USH2A: variants seen among roughly 807,000 people sequenced by gnomAD.
The protein encoded by USH2A is usherin, also known as Usher syndrome 2A (autosomal recessive, mild).
Under a neutral mutation model 538.9 loss-of-function variants are expected in USH2A, and 443 were observed. That is an observed-to-expected ratio of 0.82 (90% CI 0.76 to 0.89). The LOEUF (loss-of-function observed/expected upper bound fraction) is 0.89. Among genes scored for constraint, USH2A ranks in the 40% least tolerant of loss-of-function variants. The pLI is 0.00. For missense variants in USH2A, 6,633 were observed against 6,324.8 expected, an observed-to-expected ratio of 1.05 and a Z score of -1.65; for synonymous variants, 2,413 against 2,273.5, an observed-to-expected ratio of 1.06 and a Z score of -1.75.
At chr1:216,269,375 C>T (rs2036533833) in intron 11 of USH2A, among the ~76,000 whole-genome samples, 1 of 152,102 alleles carries the variant, frequency 6.6e-6, no homozygotes, top group Admixed American at 6.6e-5. Context: ...TTGCCTTCTG[C>T]CATGATCGTG....
At chr1:215,636,707 A>G (rs1373124634) in intron 69 of USH2A, among the ~76,000 whole-genome samples, 4 of 152,136 alleles carry the variant, frequency 2.6e-5, no homozygotes, top group Non-Finnish European at 5.9e-5. Context: ...GAACAGTCAG[A>G]GGAAAATGAG....
At chr1:216,181,401 G>T (rs1418786122) in intron 20 of USH2A, among the ~76,000 whole-genome samples, 1 of 151,998 alleles carries the variant, frequency 6.6e-6, no homozygotes, top group African/African-American at 2.4e-5. Context: ...GAGCCCCTCT[G>T]GTTTATCCCC....
chr1:216,216,748 G>A (rs1228602384), intron 15 of USH2A, among the ~76,000 whole-genome samples: 2 of 152,036 alleles, frequency 1.3e-5, no homozygotes, highest in African/African-American at 2.4e-5. Context: ...ATGTTGAAAA[G>A]TCAAAAGATA....
At chr1:216,353,246 G>A (rs532048863) in intron 4 of USH2A, among the ~76,000 whole-genome samples, 1 of 152,018 alleles carries the variant, frequency 6.6e-6, no homozygotes, top group Non-Finnish European at 1.5e-5. Context: ...TTGGACTCAG[G>A]GTATAAGGGG....
rs575366648 is a variant in USH2A at position 216,069,980 on chromosome 1, T to G, written c.6049+121A>C. ...TACTTTAGATGGGTGTTGTTTTTAATCAGGTAAAATACATGTATATTTAAT... is the reference window on the plus strand; with the variant it reads ...TACTTTAGATGGGTGTTGTTTTTAAGCAGGTAAAATACATGTATATTTAAT... On this transcript the variant is annotated intron_variant, in intron 30 of 71. Transcript: ENST00000307340. The G allele has an allele frequency of 6.4e-5, 77 of 1,211,896 alleles. 2 individuals are homozygous for G. In the South Asian group the frequency reaches 1.0e-3, roughly 16 times the overall value. The allele number at this position is 1,211,896 out of a possible 1,614,324, so 75.1% of individuals were successfully genotyped here.
chr1:216,294,299 C>T (rs1017365266), intron 9 of USH2A, among the ~76,000 whole-genome samples: 8 of 151,832 alleles, frequency 5.3e-5, no homozygotes, highest in Non-Finnish European at 1.0e-4. Flanking sequence ...ATTTGACTAG[C>T]AAATGATAAG....
At chr1:216,380,653 A>T (rs1428152101) in intron 3 of USH2A, among the ~76,000 whole-genome samples, 1 of 152,206 alleles carries the variant, frequency 6.6e-6, no homozygotes, top group African/African-American at 2.4e-5. Flanking sequence ...GTTTAGTCAC[A>T]GTTTTTCTAA....
chr1:215,705,231 A>G (rs1033722924), intron 61 of USH2A, among the ~76,000 whole-genome samples: 1 of 152,220 alleles, frequency 6.6e-6, no homozygotes, highest in Non-Finnish European at 1.5e-5. Context: ...TTTTATACTT[A>G]TTGAAAGACT....
At position 216,289,198 on chromosome 1, in the gene USH2A, C is replaced by T. The variant is rs1270706464; in HGVS notation, c.1971+82G>A. 13 of 1,598,822 alleles carry T rather than the reference C, an allele frequency of 8.1e-6. No homozygotes were observed. The African/African-American group carries it at 1.2e-4, about 15-fold the overall frequency. On this transcript the variant is annotated intron_variant, in intron 11 of 71. Coordinates refer to ENST00000307340, the MANE Select transcript of USH2A (RefSeq NM_206933.4). ...AGGATTTCCTGGCAAATGCAGTCTT[C>T]AATTCTACTAGTGGAATAACATCCA... is the stretch of plus-strand genomic sequence containing the variant.
intron 14 of USH2A, among the ~76,000 whole-genome samples, chr1:216,219,774 C>T (rs74901223): frequency 0.011 from 1,635 of 152,164 alleles, 24 homozygotes; most frequent in African/African-American, 0.038. Context: ...GGGAAAACCT[C>T]GCTTGCTAAA....
chr1:216,011,640 G>A (rs150865549), intron 32 of USH2A, among the ~76,000 whole-genome samples: 1,732 of 152,096 alleles, frequency 0.011, 32 homozygotes, highest in African/African-American at 0.039. Context: ...TCATGTCTCC[G>A]TGCAGCGGCT....
At chr1:216,269,061 A>G (rs1036333814) in intron 11 of USH2A, among the ~76,000 whole-genome samples, 2 of 152,092 alleles carry the variant, frequency 1.3e-5, no homozygotes, top group Non-Finnish European at 2.9e-5. Context: ...TTGTGAAAAT[A>G]CATGAATCTT....
chr1:215,903,570 A>C (rs76192905), intron 38 of USH2A, among the ~76,000 whole-genome samples: 6,178 of 152,170 alleles, frequency 0.041, 134 homozygotes, highest in Middle Eastern at 0.088. Flanking sequence ...GCCAGTGCAC[A>C]TTTGAATCAA....
At chr1:215,947,493 C>T (rs1571837247) in intron 37 of USH2A, among the ~76,000 whole-genome samples, 1 of 152,180 alleles carries the variant, frequency 6.6e-6, no homozygotes, top group East Asian at 1.9e-4. Context: ...CATTTAAAAT[C>T]CAGGTTCATT....
In USH2A at chr1:216,323,645, C is replaced by T. The variant is rs2037663922; in HGVS notation, c.1379G>A (p.Gly460Glu). 5.6e-6 allele frequency: 9 copies of T among 1,613,414 alleles called. No individual in the cohort carries two copies. In the East Asian group the frequency reaches 2.0e-4, roughly 36 times the overall value. Reference sequence around the variant, plus strand: ...ATTGTATCCAGGACGATAATTTGGTCCAGGTGTCAGGATGCTAAATGTGAC... The same window carrying T: ...ATTGTATCCAGGACGATAATTTGGTTCAGGTGTCAGGATGCTAAATGTGAC... ...GNVTFSILTP[G>E]PNYRPGYNNF... is the part of the protein sequence containing the mutation. The change falls in exon 8 of 72, where the codon GGA becomes GAA. Residue 460 changes from glycine to glutamate, a missense_variant. Coordinates refer to ENST00000307340, the MANE Select transcript of USH2A (RefSeq NM_206933.4).
rs188119821 is a variant in USH2A at position 216,148,093 on chromosome 1, A to T, written c.4627+27159T>A. 6.9e-3 allele frequency among the ~76,000 whole-genome samples: 1,043 copies of T among 151,948 alleles called. 6 individuals carry two copies. The highest frequency in any genetic ancestry group is 9.2e-3 in the Non-Finnish European group (625 of 67,958). ...AGCTTCGGGTAACTCTCACAATGGA[A>T]GGTAAGCCCGTCCCCTTCTTAATCA... On this transcript the variant is annotated intron_variant, in intron 21 of 71. Transcript: ENST00000307340.
At chr1:215,803,806 A>G (rs1017747129) in intron 49 of USH2A, among the ~76,000 whole-genome samples, 5 of 152,166 alleles carry the variant, frequency 3.3e-5, no homozygotes, top group Non-Finnish European at 5.9e-5. Context: ...ATGGACCCAA[A>G]AAAGAGCCCA....
intron 61 of USH2A, among the ~76,000 whole-genome samples, chr1:215,707,341 A>G (rs974583501): frequency 6.6e-6 from 1 of 152,172 alleles, no homozygotes; most frequent in African/African-American, 2.4e-5. Context: ...AGAAGAATTG[A>G]GTTTAAGTTC....
At chr1:216,256,321 C>CTT (rs201852377) in intron 11 of USH2A, among the ~76,000 whole-genome samples, 23,815 of 125,100 alleles carry the variant, frequency 0.19, 2,454 homozygotes, top group Non-Finnish European at 0.26. Context: ...TTCTTTTTTC[C>CTT]TTTTTTTTTT....
Sources: gnomAD v4.1 joint callset for allele counts (sites outside exome capture counted in the v4.1 genomes callset) on GRCh38, gnomAD v4.1.1 for gene constraint, MANE v1.5 for transcripts, NCBI Gene and HGNC (gene_info 2026-07-23, HGNC 2026-07-21) for gene names.